Variants in COL5A2 observed in about 807,000 individuals in gnomAD.
COL5A2 encodes collagen type V alpha 2 chain.
In COL5A2, 23 loss-of-function variants were observed where a neutral mutation model predicts 208.2. The observed-to-expected ratio is 0.11, with a 90% confidence interval of 0.08 to 0.16. The LOEUF (loss-of-function observed/expected upper bound fraction) is 0.16, where lower values mean the gene tolerates loss of function less well. COL5A2 is among the 10% of genes least tolerant of loss of function. The pLI is 1.00. For missense variants in COL5A2, 1,590 were observed against 1,956.4 expected (o/e 0.81, Z 3.53); for synonymous variants, 625 against 628.5 (o/e 0.99, Z 0.08).
chr2:189,258,063 G>A, the COL5A2 span, among the ~76,000 whole-genome samples: 11 of 152,190 alleles, frequency 7.2e-5, no homozygotes, highest in East Asian at 1.2e-3. Flanking sequence ...GCAGTGAGCC[G>A]ATATCGTGCC....
chr2:189,169,908 G>T (rs547400881), intron 1 of COL5A2, among the ~76,000 whole-genome samples: 1 of 152,260 alleles, frequency 6.6e-6, no homozygotes, highest in East Asian at 1.9e-4. Flanking sequence ...GCAGAGATGG[G>T]TTTTCACCAT....
At chr2:189,132,167 C>A (rs900077211) in intron 1 of COL5A2, among the ~76,000 whole-genome samples, 1 of 152,122 alleles carries the variant, frequency 6.6e-6, no homozygotes, top group Non-Finnish European at 1.5e-5. Context: ...AGAATAGCCA[C>A]GTTTTGCATC....
At chr2:189,241,076 T>G in the COL5A2 span, among the ~76,000 whole-genome samples, 265 of 152,294 alleles carry the variant, frequency 1.7e-3, 1 homozygote, top group African/African-American at 5.9e-3. Context: ...TTCATTTTCA[T>G]CTTCAATCTT....
the COL5A2 span, among the ~76,000 whole-genome samples, chr2:189,274,118 TA>T: frequency 6.6e-6 from 1 of 151,834 alleles, no homozygotes; most frequent in Non-Finnish European, 1.5e-5. Flanking sequence ...CACAAATATA[TA>T]TAATTTTGTC....
intron 1 of COL5A2, among the ~76,000 whole-genome samples, chr2:189,110,808 A>G (rs1559109031): frequency 6.6e-6 from 1 of 152,192 alleles, no homozygotes; most frequent in Non-Finnish European, 1.5e-5. Flanking sequence ...GAAAATGAAT[A>G]GCTCAAAGGA....
the COL5A2 span, among the ~76,000 whole-genome samples, chr2:189,251,550 TCCTAGCCTCCTAA>T: frequency 3.3e-5 from 5 of 152,160 alleles, no homozygotes; most frequent in Non-Finnish European, 7.4e-5. Flanking sequence ...CTTAATAAAT[TCCTAGCCTCCTAA>T]CCTGTCATCC....
the COL5A2 span, among the ~76,000 whole-genome samples, chr2:189,372,534 GA>G: frequency 6.6e-6 from 1 of 151,846 alleles, no homozygotes; most frequent in Non-Finnish European, 1.5e-5. Flanking sequence ...TAAAAATAAA[GA>G]AGTTCATCTC....
At chr2:189,426,102 T>C in the COL5A2 span, among the ~76,000 whole-genome samples, 3 of 151,998 alleles carry the variant, frequency 2.0e-5, no homozygotes, top group East Asian at 3.9e-4. Flanking sequence ...AATGGGCAGG[T>C]TGGAAGAGTT....
the COL5A2 span, among the ~76,000 whole-genome samples, chr2:189,282,561 A>C: frequency 1.3e-5 from 2 of 152,234 alleles, no homozygotes; most frequent in Non-Finnish European, 2.9e-5. Flanking sequence ...CAGAGTAAAG[A>C]AATTTATTAG....
At chr2:189,311,466 A>G in the COL5A2 span, 3 of 1,074,482 alleles carry the variant, frequency 2.8e-6, no homozygotes, top group Admixed American at 1.9e-5. Context: ...AGGGCCTCCT[A>G]TTCCTGGGCT....
the COL5A2 span, among the ~76,000 whole-genome samples, chr2:189,334,704 G>A: frequency 6.6e-6 from 1 of 151,990 alleles, no homozygotes; most frequent in Non-Finnish European, 1.5e-5. Flanking sequence ...ACGTAAGCAG[G>A]TGTCTTGGAC....
At chr2:189,271,730 G>T in the COL5A2 span, among the ~76,000 whole-genome samples, 1 of 152,066 alleles carries the variant, frequency 6.6e-6, no homozygotes, top group Admixed American at 6.6e-5. Context: ...GCAACCTACA[G>T]AATAGGAGAA....
intron 16 of COL5A2, 68 bp downstream of exon 16, chr2:189,078,448 G>A: frequency 7.6e-7 from 1 of 1,320,320 alleles, no homozygotes; most frequent in Non-Finnish European, 1.1e-6. Context: ...GGCAAGTTCA[G>A]TAAACCAAAT....
the COL5A2 span, among the ~76,000 whole-genome samples, chr2:189,296,813 T>C: frequency 6.6e-6 from 1 of 152,230 alleles, no homozygotes; most frequent in Admixed American, 6.5e-5. Flanking sequence ...TGTTTTCTTG[T>C]TGCACTATAC....
the COL5A2 span, among the ~76,000 whole-genome samples, chr2:189,435,273 C>T: frequency 1.3e-5 from 2 of 152,018 alleles, no homozygotes; most frequent in South Asian, 2.1e-4. Flanking sequence ...TGGGCAAGGA[C>T]TTCATGATTA....
chr2:189,331,612 C>T, the COL5A2 span, among the ~76,000 whole-genome samples: 30,578 of 152,070 alleles, frequency 0.2, 3,299 homozygotes, highest in South Asian at 0.26. Flanking sequence ...CTTGTTCCTC[C>T]TTGCTTTCTG....
At chr2:189,266,727 A>C in the COL5A2 span, among the ~76,000 whole-genome samples, 1 of 152,082 alleles carries the variant, frequency 6.6e-6, no homozygotes, top group African/African-American at 2.4e-5. Context: ...TGAATATATG[A>C]AAAAATACTG....
At chr2:189,392,902 A>T in the COL5A2 span, among the ~76,000 whole-genome samples, 2 of 152,204 alleles carry the variant, frequency 1.3e-5, no homozygotes, top group Admixed American at 1.3e-4. Flanking sequence ...GGTAAGAAGA[A>T]TTAATTTTTG....
intron 1 of COL5A2, among the ~76,000 whole-genome samples, chr2:189,222,319 T>C (rs994435919): frequency 1.3e-5 from 2 of 152,162 alleles, no homozygotes; most frequent in Non-Finnish European, 2.9e-5. Context: ...GGTCCACATA[T>C]TAAGAAGTAT....
Sources: allele counts gnomAD v4.1 joint callset (sites outside exome capture counted in the v4.1 genomes callset), GRCh38; gene constraint gnomAD v4.1.1; transcripts MANE v1.5; gene names NCBI Gene and HGNC (gene_info 2026-07-23, HGNC 2026-07-21).